COL8A2: variants seen among roughly 807,000 people sequenced by gnomAD.
The protein encoded by COL8A2 is collagen alpha-2(VIII) chain.
Under a neutral mutation model 24.0 loss-of-function variants are expected in COL8A2, and 16 were observed. The observed-to-expected ratio is 0.67, with a 90% confidence interval of 0.45 to 1.01. The LOEUF (loss-of-function observed/expected upper bound fraction) is 1.01. COL8A2 is among the 50% of genes least tolerant of loss of function. The probability of loss-of-function intolerance (pLI) is 0.00; values close to 1 mark genes in which losing one functional copy is unlikely to be tolerated. For synonymous variants in COL8A2, 466 were observed against 424.5 expected, an observed-to-expected ratio of 1.10 and a Z score of -1.20; for missense variants, 818 against 942.4, an observed-to-expected ratio of 0.87 and a Z score of 1.73.
intron 2 of COL8A2, among the ~76,000 whole-genome samples, chr1:36,103,368 G>C (rs941321224): frequency 8.5e-5 from 13 of 152,108 alleles, no homozygotes; most frequent in African/African-American, 3.1e-4. Flanking sequence ...CGCCTCCCAG[G>C]TTCACACCGT....
At chr1:36,120,808 G>T (rs1438052194) in intron 1 of COL8A2, among the ~76,000 whole-genome samples, 1 of 150,114 alleles carries the variant, frequency 6.7e-6, no homozygotes, top group Non-Finnish European at 1.5e-5. Flanking sequence ...AGGAAGAAAG[G>T]CCAGGCATGG....
rs1408870405 is a variant in COL8A2, at chr1:36,114,283, C to A, written c.-17+1425G>T. On this transcript the variant is annotated intron_variant, in intron 2 of 3. Coordinates refer to ENST00000397799, the MANE Select transcript of COL8A2 (RefSeq NM_005202.4). ...GCAGTGAGCCAAGATCGCACCACTG[C>A]ACTCTAACCTGGGCGACAGAGCGAG... Among the ~76,000 whole-genome samples, 10 of 147,334 alleles carry A rather than the reference C, an allele frequency of 6.8e-5. No individual in the cohort carries two copies. In the Admixed American group the frequency reaches 6.8e-4, roughly 10 times the overall value.
chr1:36,123,092 A>T lies in COL8A2; in HGVS notation c.-62+1965T>A, dbSNP rs1398569040. On this transcript the variant is annotated intron_variant, in intron 1 of 3. Transcript: ENST00000397799. The surrounding 1 kb of genome is among the most constrained non-coding windows in gnomAD (Gnocchi z 4.1). ...TTCCCTGATCTGCACTTTGGCTTGC[A>T]TGGTGCCCCTCCTCGGGTACCTAGT... Among the ~76,000 whole-genome samples, 1 of 152,228 alleles carries T rather than the reference A, an allele frequency of 6.6e-6. No individual in the cohort carries two copies. Among genetic ancestry groups the T allele is most frequent in the Non-Finnish European group, 1.5e-5 (1 of 68,042 alleles).
In COL8A2 at chr1:36,097,697, C is replaced by A. The variant is rs1643591637; in HGVS notation, c.1984G>T (p.Gly662Trp). Residue 662 changes from glycine to tryptophan, a missense_variant, in exon 4 of 4, where the codon GGG becomes TGG. By Grantham distance (184) the Gly-to-Trp change is radical (BLOSUM62 -2). Around this residue, in one of 3 missense-constraint regions of COL8A2, gnomAD observed 235 missense variants for 297.3 expected, o/e 0.79. Coordinates refer to ENST00000397799, the MANE Select transcript of COL8A2 (RefSeq NM_005202.4). ...TTGGGCCGCAGCTGGAGCACGGCCC[C>A]ACCAGATGCCTGGTCCAGGTAGCCC... ...KKGYLDQASGGAVLQLRPNDQ... is the reference protein window; with the variant it reads ...KKGYLDQASGWAVLQLRPNDQ... 1 of 1,613,528 alleles carries A rather than the reference C, an allele frequency of 6.2e-7. No individual in the cohort carries two copies. Among genetic ancestry groups the A allele is most frequent in the South Asian group, 1.1e-5 (1 of 91,092 alleles).
chr1:36,105,992 G>A (rs1643754952), intron 2 of COL8A2, among the ~76,000 whole-genome samples: 1 of 150,292 alleles, frequency 6.7e-6, no homozygotes, highest in South Asian at 2.1e-4. Context: ...TAAGGAGGAG[G>A]CAGGGCGCGG....
chr1:36,104,407 G>T (rs1482292880), intron 2 of COL8A2, among the ~76,000 whole-genome samples: 1 of 152,022 alleles, frequency 6.6e-6, no homozygotes, highest in Admixed American at 6.6e-5. Context: ...CAGGAGAATC[G>T]CTTGAACCAG....
intron 2 of COL8A2, among the ~76,000 whole-genome samples, chr1:36,114,967 C>T (rs1643872339): frequency 6.6e-6 from 1 of 152,152 alleles, no homozygotes; most frequent in South Asian, 2.1e-4. Flanking sequence ...TAGGGAGGAG[C>T]ATCTCAGAAT....
rs1643622828 is a variant in COL8A2, at chr1:36,098,862, T to A, written c.819A>T (p.Gly273=). 1 of 1,611,202 alleles carries A rather than the reference T, an allele frequency of 6.2e-7. No homozygotes were observed. The change falls in exon 4 of 4, where the codon GGA becomes GGT. Residue 273 remains glycine (G), a synonymous_variant. Coordinates refer to ENST00000397799, the MANE Select transcript of COL8A2 (RefSeq NM_005202.4). The part of the protein sequence containing the change: ...RGEPGAVGPK[G]PPGVDGVGVP... The stretch of plus-strand genomic sequence containing the variant: ...CTCCCACACCGTCTACTCCAGGAGG[T>A]CCTTTTGGGCCCACAGCTCCTGGCT...
At position 36,115,296 on chromosome 1, in the gene COL8A2, G is replaced by C. The variant is rs542334094; in HGVS notation, c.-17+412C>G. Among the ~76,000 whole-genome samples, 1 of 152,136 alleles carries C rather than the reference G, an allele frequency of 6.6e-6. No individual in the cohort carries two copies. Among genetic ancestry groups the C allele is most frequent in the Non-Finnish European group, 1.5e-5 (1 of 68,016 alleles). The stretch of plus-strand genomic sequence containing the variant: ...TCGCATTTGCAGCCTTTTCCGGAGC[G>C]CCACCCGCCACCCGCTGCCTCCCCA... On this transcript the variant is annotated intron_variant, in intron 2 of 3. Transcript: ENST00000397799. This position sits in a 1 kb window ranked among gnomAD's most constrained non-coding sequence, Gnocchi z 5.7.
intron 2 of COL8A2, among the ~76,000 whole-genome samples, chr1:36,109,232 G>A (rs1487211831): frequency 1.3e-5 from 2 of 152,210 alleles, no homozygotes; most frequent in Non-Finnish European, 1.5e-5. Flanking sequence ...GGATCCGGCT[G>A]CCCTGCTTGC....
At position 36,100,887 on chromosome 1, in the gene COL8A2, C is replaced by CTTTT. The variant is rs139330748; in HGVS notation, c.-16-633_-16-630dup. Among the ~76,000 whole-genome samples, 64 of 50,158 alleles carry CTTTT rather than the reference C, an allele frequency of 1.3e-3. 15 individuals are homozygous for CTTTT. In the East Asian group the frequency reaches 0.038, roughly 30 times the overall value. 32.9% of individuals were successfully genotyped at this position (50,158 alleles called of 152,430 possible). ...ATGGCGCTTAGCATAGCATTCAAGGCTTTTTTTTTTTTTTTTTTTTTTTTT... is the reference window on the plus strand; with the variant it reads ...ATGGCGCTTAGCATAGCATTCAAGGCTTTTTTTTTTTTTTTTTTTTTTTTTTTTT... On this transcript the variant is annotated intron_variant, in intron 2 of 3. Transcript: ENST00000397799.
intron 1 of COL8A2, among the ~76,000 whole-genome samples, chr1:36,118,623 C>G (rs1458436799): frequency 6.6e-6 from 1 of 152,216 alleles, no homozygotes; most frequent in Non-Finnish European, 1.5e-5. Flanking sequence ...TTGCACAGAG[C>G]CTGCCGCTGT....
At chr1:36,106,917 A>G (rs1347516124) in intron 2 of COL8A2, among the ~76,000 whole-genome samples, 2 of 152,006 alleles carry the variant, frequency 1.3e-5, no homozygotes, top group East Asian at 3.9e-4. Flanking sequence ...CAGGACTCCA[A>G]AGAGGTGTCG....
chr1:36,117,078 C>T (rs551410299), intron 1 of COL8A2, among the ~76,000 whole-genome samples: 1 of 152,364 alleles, frequency 6.6e-6, no homozygotes, highest in East Asian at 1.9e-4. Flanking sequence ...GTCACTCTCT[C>T]CCCCAGCTGC....
intron 2 of COL8A2, among the ~76,000 whole-genome samples, chr1:36,107,349 A>G (rs1437960849): frequency 6.6e-6 from 1 of 151,820 alleles, no homozygotes; most frequent in African/African-American, 2.4e-5. Context: ...GGCCGCAGTG[A>G]GCCGTGATTG....
intron 2 of COL8A2, among the ~76,000 whole-genome samples, chr1:36,100,997 G>A (rs770996167): frequency 7.2e-5 from 10 of 139,744 alleles, no homozygotes; most frequent in South Asian, 2.3e-4. Flanking sequence ...GGGTTCAAGC[G>A]ATTCTCGTGC....
In COL8A2 at chr1:36,100,036, G is replaced by A. The variant is rs897981437; in HGVS notation, c.193+14C>T. ...GGAGCGATTTGAGGCACTGTGGGGT[G>A]AGGAGGCTCTCACCCAGGTACTGGC... On this transcript the variant is annotated intron_variant, in intron 3 of 3. Coordinates refer to ENST00000397799, the MANE Select transcript of COL8A2 (RefSeq NM_005202.4). 1.2e-6 allele frequency: 2 copies of A among 1,609,416 alleles called. No homozygotes were observed. The highest frequency in any genetic ancestry group is 1.7e-6 in the Non-Finnish European group (2 of 1,176,540).
chr1:36,107,290 G>A (rs1643775328), intron 2 of COL8A2, among the ~76,000 whole-genome samples: 1 of 152,086 alleles, frequency 6.6e-6, no homozygotes. Context: ...TGTAGTCCCA[G>A]CTACTTGGAA....
At chr1:36,122,362 C>T (rs140662723) in intron 1 of COL8A2, among the ~76,000 whole-genome samples, 6 of 152,330 alleles carry the variant, frequency 3.9e-5, no homozygotes, top group Non-Finnish European at 8.8e-5. Context: ...ACTCCACCCA[C>T]TCTGGAAATG....
Sources: gnomAD v4.1 joint callset for allele counts (sites outside exome capture counted in the v4.1 genomes callset) on GRCh38, gnomAD v4.1.1 for gene constraint, gnomAD v4.1.1 regional missense constraint, Gnocchi (gnomAD v3.1) non-coding constraint, MANE v1.5 for transcripts, NCBI Gene and HGNC (gene_info 2026-07-23, HGNC 2026-07-21) for gene names.